HIRA: variants seen among roughly 807,000 people sequenced by gnomAD.
The protein encoded by HIRA is histone cell cycle regulator.
In HIRA, 13 loss-of-function variants were observed where a neutral mutation model predicts 126.6. The observed-to-expected ratio is 0.10, with a 90% CI of 0.07 to 0.16. The LOEUF (loss-of-function observed/expected upper bound fraction) is 0.16. Ranked by LOEUF, HIRA falls within the 10% of genes least tolerant of loss-of-function variation. The pLI is 1.00. For synonymous variants in HIRA, 511 were observed against 520.0 expected, an observed-to-expected ratio of 0.98 and a Z score of 0.24; for missense variants, 834 against 1,314.4, an observed-to-expected ratio of 0.63 and a Z score of 5.65.
chr22:19,362,418 A>G (rs991965837), intron 15 of HIRA, among the ~76,000 whole-genome samples: 1 of 152,214 alleles, frequency 6.6e-6, no homozygotes, highest in Non-Finnish European at 1.5e-5. Context: ...AACTCTTTCT[A>G]CTACCCATGA....
intron 1 of HIRA, among the ~76,000 whole-genome samples, chr22:19,422,207 T>C (rs1220488850): frequency 3.6e-5 from 4 of 110,290 alleles, no homozygotes; most frequent in African/African-American, 1.2e-4. Context: ...CACATATATA[T>C]ATATACATAT....
In HIRA at chr22:19,408,711, T is replaced by G. The variant is rs896163556; in HGVS notation, c.101-118A>C. 39 of 631,440 alleles carry G rather than the reference T, an allele frequency of 6.2e-5. No individual in the cohort carries two copies. In the African/African-American group the frequency reaches 6.9e-4, roughly 11 times the overall value. The allele number at this position is 631,440 out of a possible 1,614,324, so 39.1% of individuals were successfully genotyped here. On this transcript the variant is annotated intron_variant, in intron 2 of 24. Coordinates refer to ENST00000263208, the MANE Select transcript of HIRA (RefSeq NM_003325.4). ...TTAGCTTCCATAAACAATAATTAAC[T>G]AGATCTAAGGAGACTGAATTTAAAT...
intron 14 of HIRA, among the ~76,000 whole-genome samples, chr22:19,377,304 G>A (rs1435106513): frequency 6.6e-6 from 1 of 152,232 alleles, no homozygotes; most frequent in Non-Finnish European, 1.5e-5. Flanking sequence ...GCCTAGCAGG[G>A]TGTATAACCC....
intron 24 of HIRA, among the ~76,000 whole-genome samples, chr22:19,336,663 C>T (rs782282417): frequency 4.6e-5 from 7 of 152,242 alleles, no homozygotes; most frequent in Admixed American, 2.0e-4. Flanking sequence ...ACCACCACAG[C>T]AGGTGCTGGT....
intron 23 of HIRA, among the ~76,000 whole-genome samples, chr22:19,352,427 C>T (rs1249553125): frequency 2.0e-5 from 3 of 152,084 alleles, no homozygotes; most frequent in African/African-American, 7.2e-5. Flanking sequence ...AGCTGGGGAC[C>T]ACACATAATG....
Position 19,351,084 on chromosome 22 carries a change from G to C in HIRA, c.2937+274C>G. On this transcript the variant is annotated intron_variant, in intron 24 of 24. Coordinates refer to ENST00000263208, the MANE Select transcript of HIRA (RefSeq NM_003325.4). This position sits in a 1 kb window ranked among gnomAD's most constrained non-coding sequence, Gnocchi z 4.8. ...GGCAGGGAAGTACCTTCCGTCTTTT[G>C]TCTTCACAACCAAGCCCAGAGCCCC... The C allele has an allele frequency of 2.0e-6, 2 of 979,196 alleles. No individual in the cohort carries two copies. Among genetic ancestry groups the C allele is most frequent in the South Asian group, 9.4e-5 (2 of 21,166 alleles). 60.7% of individuals were successfully genotyped at this position (979,196 alleles called of 1,614,324 possible).
At chr22:19,371,909 T>G (rs770409103) in intron 15 of HIRA, among the ~76,000 whole-genome samples, 1 of 152,256 alleles carries the variant, frequency 6.6e-6, no homozygotes, top group Non-Finnish European at 1.5e-5. Context: ...TTGGTTATTA[T>G]GTACAGATGT....
chr22:19,347,771 T>C (rs2088703100), intron 24 of HIRA, among the ~76,000 whole-genome samples: 1 of 152,066 alleles, frequency 6.6e-6, no homozygotes, highest in Non-Finnish European at 1.5e-5. Flanking sequence ...AAACCCCGCC[T>C]CTACTAAAAA....
At chr22:19,417,793 C>T (rs1345118774) in intron 1 of HIRA, among the ~76,000 whole-genome samples, 3 of 152,158 alleles carry the variant, frequency 2.0e-5, no homozygotes, top group Non-Finnish European at 4.4e-5. Flanking sequence ...GCTATTTGTA[C>T]ACCCATGTTC....
intron 1 of HIRA, 35 bp from the exon 2 acceptor site, chr22:19,410,813 T>C (rs758008823): frequency 3.2e-6 from 5 of 1,550,714 alleles, no homozygotes; most frequent in East Asian, 4.5e-5. Context: ...AGTATCTAAA[T>C]TGGCTTTTAT....
chr22:19,369,377 A>C (rs534340806), intron 15 of HIRA, among the ~76,000 whole-genome samples: 25 of 152,296 alleles, frequency 1.6e-4, no homozygotes, highest in African/African-American at 3.1e-4. Flanking sequence ...AAGGAACAAC[A>C]GCAGGAGCTG....
chr22:19,400,244 T>G (rs541414028), intron 5 of HIRA, among the ~76,000 whole-genome samples: 1 of 152,362 alleles, frequency 6.6e-6, no homozygotes, highest in African/African-American at 2.4e-5. Context: ...TGGTAAATAT[T>G]CAATTCTATT....
rs543185070 is a variant in HIRA at position 19,371,681 on chromosome 22, G to A, written c.1775+3950C>T. Reference sequence around the variant, plus strand: ...CCACTGTTACTCTACTTTCTTTATGGATTTTCCATTCTGGACATTTCCTAT... The same window carrying A: ...CCACTGTTACTCTACTTTCTTTATGAATTTTCCATTCTGGACATTTCCTAT... On this transcript the variant is annotated intron_variant, in intron 15 of 24. Transcript: ENST00000263208. Among the ~76,000 whole-genome samples the A allele has an allele frequency of 2.0e-5, 3 of 152,170 alleles. No individual in the cohort carries two copies. The South Asian group carries it at 6.2e-4, about 31-fold the overall frequency.
chr22:19,409,291 T>TCTTTC (rs200906924), intron 2 of HIRA, among the ~76,000 whole-genome samples: 1 of 149,866 alleles, frequency 6.7e-6, no homozygotes, highest in African/African-American at 2.5e-5. Context: ...TTCTTTTCTT[T>TCTTTC]TTTTTTTTTT....
At chr22:19,394,617 G>T in intron 7 of HIRA, 108 bp from the exon 8 acceptor site, 1 of 1,108,266 alleles carries the variant, frequency 9.0e-7, no homozygotes, top group Non-Finnish European at 1.3e-6. Flanking sequence ...TGATGGTGGA[G>T]CATGCACCCC....
intron 13 of HIRA, among the ~76,000 whole-genome samples, chr22:19,383,326 C>G (rs1406870021): frequency 6.6e-6 from 1 of 152,072 alleles, no homozygotes; most frequent in Non-Finnish European, 1.5e-5. Flanking sequence ...AAAAATCAGC[C>G]TGACTGACTG....
chr22:19,373,940 TCACTC>T (rs2088992464), intron 15 of HIRA, among the ~76,000 whole-genome samples: 10 of 149,802 alleles, frequency 6.7e-5, no homozygotes, highest in Admixed American at 2.0e-4. Context: ...GCTTTTTTGT[TCACTC>T]TTAGATTTTA....
chr22:19,386,212 A>G (rs1337891100), intron 11 of HIRA, among the ~76,000 whole-genome samples: 1 of 152,134 alleles, frequency 6.6e-6, no homozygotes, highest in East Asian at 1.9e-4. Context: ...TAGTGTCTCT[A>G]AGAGTATGGG....
intron 7 of HIRA, among the ~76,000 whole-genome samples, chr22:19,395,568 C>T (rs979637852): frequency 6.6e-6 from 1 of 152,132 alleles, no homozygotes; most frequent in African/African-American, 2.4e-5. Flanking sequence ...TGGTGTTGTG[C>T]GGGAAGAACT....
Sources: gnomAD v4.1 joint callset for allele counts (sites outside exome capture counted in the v4.1 genomes callset) on GRCh38, gnomAD v4.1.1 for gene constraint, Gnocchi (gnomAD v3.1) non-coding constraint, MANE v1.5 for transcripts, NCBI Gene and HGNC (gene_info 2026-07-23, HGNC 2026-07-21) for gene names.